MERTK: variants seen among roughly 807,000 people sequenced by gnomAD.
MERTK encodes MER proto-oncogene, tyrosine kinase.
A neutral mutation model predicts 99.3 loss-of-function variants in MERTK; 69 were observed. That is an observed-to-expected ratio of 0.70 (90% CI 0.57 to 0.85). MERTK has a LOEUF of 0.85. MERTK is among the 40% of genes least tolerant of loss of function. MERTK has a pLI of 0.00. For missense variants in MERTK, 1,125 were observed against 1,249.4 expected (o/e 0.90, Z 1.50); for synonymous variants, 426 against 467.6 (o/e 0.91, Z 1.15).
intron 6 of MERTK, among the ~76,000 whole-genome samples, chr2:111,974,503 C>T (rs141956353): frequency 6.6e-6 from 1 of 152,118 alleles, no homozygotes; most frequent in Non-Finnish European, 1.5e-5. Context: ...GGTGTGGTGG[C>T]TCACGCCTGT....
chr2:111,994,183 C>A (rs2104398806), intron 8 of MERTK, 68 bp from the exon 9 acceptor site: 1 of 1,577,618 alleles, frequency 6.3e-7, no homozygotes, highest in East Asian at 2.2e-5. Context: ...TCAGAAGGAA[C>A]TGTAGATGCA....
intron 2 of MERTK, among the ~76,000 whole-genome samples, chr2:111,941,653 C>A (rs772881051): frequency 4.6e-5 from 7 of 152,124 alleles, no homozygotes; most frequent in Non-Finnish European, 8.8e-5. Flanking sequence ...CACCCCACAC[C>A]CCACCCTCCC....
intron 1 of MERTK, among the ~76,000 whole-genome samples, chr2:111,922,605 G>A (rs1684486320): frequency 6.6e-6 from 1 of 152,228 alleles, no homozygotes; most frequent in Admixed American, 6.5e-5. Flanking sequence ...TCAGATGCAA[G>A]CCAGTAACAG....
At chr2:111,957,148 C>T (rs997020004) in intron 4 of MERTK, among the ~76,000 whole-genome samples, 9 of 151,894 alleles carry the variant, frequency 5.9e-5, no homozygotes, top group African/African-American at 1.9e-4. Flanking sequence ...AGGATGGTCT[C>T]GATCTCCTGA....
chr2:112,027,744 A>C (rs1677498191), intron 18 of MERTK, among the ~76,000 whole-genome samples: 1 of 152,214 alleles, frequency 6.6e-6, no homozygotes, highest in Admixed American at 6.5e-5. Context: ...ATGGAGTGAT[A>C]CGCAGCACAC....
intron 2 of MERTK, among the ~76,000 whole-genome samples, chr2:111,939,769 A>G (rs1684828928): frequency 7.0e-6 from 1 of 142,006 alleles, no homozygotes; most frequent in Non-Finnish European, 1.5e-5. Flanking sequence ...CTCCCAAAGT[A>G]CTGGGAGTGC....
At chr2:112,005,821 T>G (rs1676968406) in intron 13 of MERTK, among the ~76,000 whole-genome samples, 1 of 152,334 alleles carries the variant, frequency 6.6e-6, no homozygotes, top group Non-Finnish European at 1.5e-5. Context: ...TTACTGGACA[T>G]TAAAGCATAA....
chr2:111,954,867 G>T (rs1184884219), intron 4 of MERTK, among the ~76,000 whole-genome samples: 1 of 152,116 alleles, frequency 6.6e-6, no homozygotes, highest in Non-Finnish European at 1.5e-5. Context: ...GTTCCCTTGT[G>T]TCTGCGTTTT....
chr2:111,933,634 T>C (rs1684713348), intron 2 of MERTK, among the ~76,000 whole-genome samples: 1 of 152,208 alleles, frequency 6.6e-6, no homozygotes, highest in African/African-American at 2.4e-5. Context: ...TGATGAGGTC[T>C]CTAGATTGAG....
chr2:112,022,817 C>T (rs1301155224), intron 18 of MERTK, among the ~76,000 whole-genome samples: 3 of 152,210 alleles, frequency 2.0e-5, no homozygotes, highest in African/African-American at 4.8e-5. Flanking sequence ...ACTCCACTCA[C>T]AGTAGTAGCC....
chr2:111,992,497 A>C (rs962778395), intron 8 of MERTK, among the ~76,000 whole-genome samples: 2 of 152,150 alleles, frequency 1.3e-5, no homozygotes, highest in Admixed American at 1.3e-4. Context: ...TCACGCCTGT[A>C]ATCCCAGCAC....
At chr2:111,987,463 AG>A (rs1676504946) in intron 8 of MERTK, among the ~76,000 whole-genome samples, 1 of 152,190 alleles carries the variant, frequency 6.6e-6, no homozygotes. Context: ...TTGAAGTTGG[AG>A]GCAGGTCTTG....
At chr2:112,014,996 A>G (rs542349505) in intron 15 of MERTK, among the ~76,000 whole-genome samples, 42 of 152,298 alleles carry the variant, frequency 2.8e-4, no homozygotes, top group African/African-American at 9.1e-4. Context: ...TTGAGATCCA[A>G]CCAAGCTGTG....
chr2:112,001,755 G>A (rs866306867), intron 11 of MERTK, among the ~76,000 whole-genome samples: 1 of 152,128 alleles, frequency 6.6e-6, no homozygotes, highest in Admixed American at 6.5e-5. Context: ...ACAGACACTA[G>A]TGTTCCTGAA....
At chr2:111,960,342 G>A (rs947425866) in intron 4 of MERTK, among the ~76,000 whole-genome samples, 4 of 151,896 alleles carry the variant, frequency 2.6e-5, no homozygotes, top group African/African-American at 7.3e-5. Context: ...TTAACCGGGC[G>A]TGGTGGTGCA....
intron 4 of MERTK, among the ~76,000 whole-genome samples, chr2:111,947,852 A>G (rs986749515): frequency 6.6e-6 from 1 of 152,154 alleles, no homozygotes; most frequent in East Asian, 1.9e-4. Context: ...CCCTGCTCGC[A>G]TCTCCCATTG....
In MERTK at chr2:111,982,989, T is replaced by C. The variant is rs777568948; in HGVS notation, c.1292T>C (p.Ile431Thr). 1.9e-6 allele frequency: 3 copies of C among 1,613,216 alleles called. No individual in the cohort carries two copies. Among genetic ancestry groups the C allele is most frequent in the Non-Finnish European group, 2.5e-6 (3 of 1,179,800 alleles). The change falls in exon 8 of 19, where the codon ATT becomes ACT. Residue 431 changes from isoleucine (I) to threonine (T), a missense_variant. Transcript: ENST00000295408. ...RISHVWQSAG[I>T]SKELLEEVGQ... is the part of the protein sequence containing the mutation. The stretch of plus-strand genomic sequence containing the variant: ...TCCCACGTGTGGCAGAGTGCAGGGA[T>C]TTCCGTAAGTCTAAACCCTAGAAGA...
At chr2:111,919,145 C>T (rs1030837516) in intron 1 of MERTK, among the ~76,000 whole-genome samples, 1 of 152,154 alleles carries the variant, frequency 6.6e-6, no homozygotes, top group Non-Finnish European at 1.5e-5. Flanking sequence ...CTCACCCCAC[C>T]TCTCCTGCAG....
At chr2:111,924,116 G>T (rs867349441) in intron 1 of MERTK, among the ~76,000 whole-genome samples, 1 of 152,168 alleles carries the variant, frequency 6.6e-6, no homozygotes, top group African/African-American at 2.4e-5. Flanking sequence ...CACCAGCCAC[G>T]TGGGGGTCCA....
Sources: allele counts gnomAD v4.1 joint callset (sites outside exome capture counted in the v4.1 genomes callset), GRCh38; gene constraint gnomAD v4.1.1; transcripts MANE v1.5; gene names NCBI Gene and HGNC (gene_info 2026-07-23, HGNC 2026-07-21).